Variants in GGA2 observed in about 807,000 individuals in gnomAD.
The protein encoded by GGA2 is ADP-ribosylation factor-binding protein GGA2.
In GGA2, 48 loss-of-function variants were observed where a neutral mutation model predicts 79.5. The ratio of observed to expected loss-of-function variants is 0.60; its 90% CI spans 0.48 to 0.77. GGA2 has a LOEUF of 0.77. Among genes scored for constraint, GGA2 ranks in the 30% least tolerant of loss-of-function variants. GGA2 has a pLI of 0.00. For synonymous variants in GGA2, 317 were observed against 302.0 expected (o/e 1.05, Z -0.51); for missense variants, 770 against 774.0 (o/e 0.99, Z 0.06).
chr16:23,478,753 G>A (rs746215783), intron 12 of GGA2, 130 bp downstream of exon 12: 2 of 780,550 alleles, frequency 2.6e-6, no homozygotes. Context: ...AGAGGCTTTG[G>A]ACCTCCAAGG....
chr16:23,521,989 C>CA, exon 1 of GGA2: 2 of 334,224 alleles, frequency 6.0e-6, no homozygotes, highest in Non-Finnish European at 1.2e-5. Flanking sequence ...ATATCTGTAA[C>CA]AGAAAAAAAA....
chr16:23,523,875 C>T (rs1271146537), upstream of GGA2: 1 of 155,910 alleles, frequency 6.4e-6, no homozygotes, highest in Non-Finnish European at 1.4e-5. Context: ...CGCACAAGGA[C>T]ACAGTGAGAA....
intron 1 of GGA2, among the ~76,000 whole-genome samples, chr16:23,504,498 C>T (rs751749141): frequency 1.1e-4 from 16 of 152,204 alleles, no homozygotes; most frequent in Admixed American, 5.9e-4. Flanking sequence ...ACTGATAACA[C>T]GGAGAGATGG....
rs781185289 is a variant in GGA2, at chr16:23,493,516, T to C, written c.253-58A>G. ...GAAAGCCAGTGGTCCCAGGCTCCCC[T>C]CCAGGCTGGTAATCACTTGCTGGAG... On this transcript the variant is annotated intron_variant, in intron 3 of 16. Transcript: ENST00000309859. The C allele has an allele frequency of 7.3e-6, 8 of 1,094,124 alleles. No homozygotes were observed. In the African/African-American group the frequency reaches 1.1e-4, roughly 15 times the overall value. 67.8% of individuals were successfully genotyped at this position (1,094,124 alleles called of 1,614,324 possible).
intron 4 of GGA2, among the ~76,000 whole-genome samples, chr16:23,492,863 G>A (rs1344800091): frequency 2.0e-5 from 3 of 152,110 alleles, no homozygotes; most frequent in Non-Finnish European, 4.4e-5. Context: ...CGTGGGGTCC[G>A]GGTAGCATGC....
chr16:23,516,108 A>G (rs780861604), intron 2 of GGA2, among the ~76,000 whole-genome samples: 4 of 152,052 alleles, frequency 2.6e-5, no homozygotes, highest in Non-Finnish European at 5.9e-5. Flanking sequence ...CCTGGGCTCA[A>G]GTGATCCTCC....
chr16:23,485,939 TG>T, intron 8 of GGA2, 75 bp downstream of exon 8: 1 of 1,340,364 alleles, frequency 7.5e-7, no homozygotes, highest in Non-Finnish European at 1.0e-6. Context: ...GATGGCTTCA[TG>T]GGTGCAAACA....
At chr16:23,471,410 G>T (rs1964509492) in intron 14 of GGA2, among the ~76,000 whole-genome samples, 1 of 151,916 alleles carries the variant, frequency 6.6e-6, no homozygotes, top group South Asian at 2.1e-4. Context: ...AATTTAAAAA[G>T]GGGGGCAGGG....
intron 1 of GGA2, among the ~76,000 whole-genome samples, chr16:23,499,834 G>A (rs551629833): frequency 1.3e-5 from 2 of 152,286 alleles, no homozygotes; most frequent in South Asian, 4.1e-4. Flanking sequence ...AAACCTGAAA[G>A]CTCCCAGCAG....
chr16:23,468,482 A>AT (rs761971638), intron 16 of GGA2, among the ~76,000 whole-genome samples: 61 of 138,642 alleles, frequency 4.4e-4, no homozygotes, highest in Middle Eastern at 9.8e-3. Flanking sequence ...GGCCGACTTT[A>AT]TTTTTTTTTG....
chr16:23,490,825 G>A (rs1964773762), intron 5 of GGA2, among the ~76,000 whole-genome samples: 1 of 151,882 alleles, frequency 6.6e-6, no homozygotes. Flanking sequence ...TTTTATGTCT[G>A]CACGTTGTTA....
chr16:23,520,333 T>C (rs1283704499), intron 1 of GGA2, among the ~76,000 whole-genome samples: 1 of 152,108 alleles, frequency 6.6e-6, no homozygotes, highest in Admixed American at 6.5e-5. Flanking sequence ...ACAATTCTTA[T>C]TCCTATTTTA....
upstream of GGA2, among the ~76,000 whole-genome samples, chr16:23,511,439 G>A (rs1965061423): frequency 6.6e-6 from 1 of 151,648 alleles, no homozygotes; most frequent in African/African-American, 2.4e-5. Flanking sequence ...GATTACAGGG[G>A]TGAGCCACCA....
chr16:23,491,796 A>T lies in GGA2; in HGVS notation c.356T>A (p.Leu119Gln). 6.2e-7 allele frequency: 1 copy of T among 1,606,910 alleles called. No individual in the cohort carries two copies. The highest frequency in any genetic ancestry group is 1.1e-5 in the South Asian group (1 of 90,910). The change falls in exon 5 of 17, where the codon CTG (leucine) becomes CAG (glutamine). Residue 119 changes from leucine (L) to glutamine (Q), a missense_variant. Leu to Gln is a moderately radical substitution (Grantham distance 113). Transcript: ENST00000309859. Reference sequence around the variant, plus strand: ...AACTTTTCCTGTGGCCCAGGACCCCAGGTACTGAAAGTAAAAAGGAAAGAG... The same window carrying T: ...AACTTTTCCTGTGGCCCAGGACCCCTGGTACTGAAAGTAAAAAGGAAAGAG... The part of the protein sequence containing the change: ...ELIKVLSPKY[L>Q]GSWATGKVKG...
At chr16:23,477,405 A>G (rs1041966804) in intron 13 of GGA2, among the ~76,000 whole-genome samples, 8 of 151,654 alleles carry the variant, frequency 5.3e-5, no homozygotes, top group Admixed American at 5.3e-4. Flanking sequence ...ATAAGGGGAA[A>G]CCCTTTTTCG....
At chr16:23,499,304 C>A (rs1047289727) in intron 1 of GGA2, among the ~76,000 whole-genome samples, 2 of 152,098 alleles carry the variant, frequency 1.3e-5, no homozygotes, top group African/African-American at 4.8e-5. Flanking sequence ...ACCAACATGA[C>A]TGGCTAATTT....
intron 1 of GGA2, among the ~76,000 whole-genome samples, chr16:23,500,445 G>C (rs1261027755): frequency 6.6e-6 from 1 of 152,202 alleles, no homozygotes; most frequent in Admixed American, 6.5e-5. Flanking sequence ...GCGGTGGCAA[G>C]CAGAGGTGCA....
At position 23,467,684 on chromosome 16, in the gene GGA2, C is replaced by T. The variant is rs772681875; in HGVS notation, c.1748G>A (p.Arg583Gln). The part of the protein sequence containing the change: ...DNPHKEPIRL[R>Q]YKLTFNQGGQ... ...ACCTTGGTTGAATGTCAGCTTGTAC[C>T]GTAAGCGGATAGGTTCCTGGGACAG... Residue 583 changes from arginine to glutamine, a missense_variant, in exon 17 of 17, where the codon CGG becomes CAG. Transcript: ENST00000309859. 3.1e-6 allele frequency: 5 copies of T among 1,589,984 alleles called. No individual in the cohort carries two copies. Among genetic ancestry groups the T allele is most frequent in the Non-Finnish European group, 3.5e-6 (4 of 1,158,090 alleles).
chr16:23,503,606 A>G (rs1964942867), intron 1 of GGA2, among the ~76,000 whole-genome samples: 1 of 152,244 alleles, frequency 6.6e-6, no homozygotes. Context: ...TTATCCCATC[A>G]TTGTTAAATT....
Sources: gnomAD v4.1 joint callset for allele counts (sites outside exome capture counted in the v4.1 genomes callset) on GRCh38, gnomAD v4.1.1 for gene constraint, MANE v1.5 for transcripts, NCBI Gene and HGNC (gene_info 2026-07-23, HGNC 2026-07-21) for gene names.